The following GBGT1 variants were observed in gnomAD, a reference collection of about 807,000 sequenced individuals.
The protein encoded by GBGT1 is globoside alpha-1,3-N-acetylgalactosaminyltransferase 1 (FORS blood group), also known as globoside alpha-1,3-N-acetylgalactosaminyltransferase 1.
A neutral mutation model predicts 20.9 loss-of-function variants in GBGT1; 18 were observed. The observed-to-expected ratio is 0.86, with a 90% CI of 0.60 to 1.28. The LOEUF (loss-of-function observed/expected upper bound fraction) is 1.28. Ranked by LOEUF, GBGT1 falls within the 50% of genes most tolerant of loss-of-function variation. GBGT1 has a pLI of 0.00. For synonymous variants in GBGT1, 168 were observed against 180.8 expected (o/e 0.93, Z 0.57); for missense variants, 432 against 455.7 (o/e 0.95, Z 0.47).
intron 3 of GBGT1, among the ~76,000 whole-genome samples, chr9:133,157,215 T>C (rs34454320): frequency 0.19 from 28,175 of 146,722 alleles, 2,931 homozygotes; most frequent in Middle Eastern, 0.22. Flanking sequence ...GCCCAGGAGG[T>C]GGAGGCTGTA....
At chr9:133,155,778 C>T in intron 5 of GBGT1, 123 bp downstream of exon 5, 1 of 1,007,196 alleles carries the variant, frequency 9.9e-7, no homozygotes, top group Non-Finnish European at 1.5e-6. Context: ...TGTCTTTCCA[C>T]AGTCCCTAAC....
intron 3 of GBGT1, among the ~76,000 whole-genome samples, chr9:133,157,593 C>A (rs1832909451): frequency 6.6e-6 from 1 of 152,214 alleles, no homozygotes; most frequent in African/African-American, 2.4e-5. Flanking sequence ...GGTGAGGGAT[C>A]CTGGGCAAGT....
At chr9:133,158,492 C>T (rs958253178) in intron 3 of GBGT1, among the ~76,000 whole-genome samples, 3 of 152,084 alleles carry the variant, frequency 2.0e-5, no homozygotes, top group Non-Finnish European at 4.4e-5. Context: ...CCATGTTGCC[C>T]AGGCTGGTCT....
chr9:133,161,609 T>C (rs1434933094), intron 2 of GBGT1, 77 bp from the exon 3 acceptor site: 13 of 994,808 alleles, frequency 1.3e-5, no homozygotes, highest in Middle Eastern at 2.1e-4. Flanking sequence ...ATGCACGTCA[T>C]TGGGAGTGCA....
rs60845732 is a variant in GBGT1, at chr9:133,159,836, G to GA, written c.137+1630dup. ...ACACACAAGATAGACAAACTGGAAA[G>GA]AAAAAAAAAAGTTGTAGGTATACTT... On this transcript the variant is annotated intron_variant, in intron 3 of 6. Coordinates refer to ENST00000372040, the MANE Select transcript of GBGT1 (RefSeq NM_021996.6). Among the ~76,000 whole-genome samples the GA allele has an allele frequency of 2.7e-3, 405 of 147,488 alleles. 1 individual carries two copies. Among genetic ancestry groups the GA allele is most frequent in the African/African-American group, 9.5e-3 (382 of 40,272 alleles).
At position 133,153,387 on chromosome 9, in the gene GBGT1, G is replaced by A. The variant is rs1257753834; in HGVS notation, c.*190C>T. 5 of 408,884 alleles carry A rather than the reference G, an allele frequency of 1.2e-5. No individual in the cohort carries two copies. The highest frequency in any genetic ancestry group is 7.2e-5 in the East Asian group (2 of 27,948). 25.3% of individuals were successfully genotyped at this position (408,884 alleles called of 1,614,324 possible). A position where few individuals can be genotyped will look rare whatever the true frequency, so the allele number is the denominator to read the frequency against. ...CCCTGTCTCACTGTTCCCATGCCGC[G>A]TTACTGTGAGATCCTGTGTGCTACT... is the stretch of plus-strand genomic sequence containing the variant. On this transcript the variant is annotated 3_prime_UTR_variant, in exon 7 of 7. Coordinates refer to ENST00000372040, the MANE Select transcript of GBGT1 (RefSeq NM_021996.6).
At chr9:133,159,218 C>T (rs1346576309) in intron 3 of GBGT1, among the ~76,000 whole-genome samples, 1 of 152,222 alleles carries the variant, frequency 6.6e-6, no homozygotes, top group East Asian at 1.9e-4. Context: ...GCCTCGGCCT[C>T]CCAAAGTGCT....
At position 133,153,850 on chromosome 9, in the gene GBGT1, G is replaced by A. The variant is rs1490576570; in HGVS notation, c.771C>T (p.Asp257=). ...STAFVADSEG[D]FYYGGAVFGG... is the part of the protein sequence containing the mutation. ...CGAAGACTGCCCCACCATAATAGAA[G>A]TCCCCTTCGCTGTCTGCCACAAAGG... The change falls in exon 7 of 7, where the codon GAC becomes GAT. Residue 257 remains aspartate (D), a synonymous_variant. Coordinates refer to ENST00000372040, the MANE Select transcript of GBGT1 (RefSeq NM_021996.6). 1 of 1,597,626 alleles carries A rather than the reference G, an allele frequency of 6.3e-7. No homozygotes were observed. Among genetic ancestry groups the A allele is most frequent in the Admixed American group, 1.7e-5 (1 of 59,180 alleles).
In GBGT1 at chr9:133,154,684, G is replaced by A. The variant is rs555630583; in HGVS notation, c.360-423C>T. On this transcript the variant is annotated intron_variant, in intron 6 of 6. Coordinates refer to ENST00000372040, the MANE Select transcript of GBGT1 (RefSeq NM_021996.6). This position sits in a 1 kb window ranked among gnomAD's most constrained non-coding sequence, Gnocchi z 4.2. ...CTAGATGCTGGGGGCATGGAGGGGG[G>A]TGTGGTTGACACAGCCCTGCCCCCA... The A allele has an allele frequency of 7.9e-5, 14 of 177,618 alleles. No individual in the cohort carries two copies. Among genetic ancestry groups the A allele is most frequent in the Non-Finnish European group, 1.4e-4 (12 of 84,686 alleles). 11.0% of individuals were successfully genotyped at this position (177,618 alleles called of 1,614,324 possible).
At chr9:133,158,214 A>T (rs2119314809) in intron 3 of GBGT1, among the ~76,000 whole-genome samples, 1 of 152,340 alleles carries the variant, frequency 6.6e-6, no homozygotes, top group African/African-American at 2.4e-5. Context: ...CCCAGGCAGA[A>T]GCTCATAAGG....
rs781139468 is a variant in GBGT1, at chr9:133,153,691, C to T, written c.930G>A (p.Pro310=). 62 of 1,613,680 alleles carry T rather than the reference C, an allele frequency of 3.8e-5. No individual in the cohort carries two copies. In the East Asian group the frequency reaches 6.0e-4, roughly 16 times the overall value. The change falls in exon 7 of 7, where the codon CCG becomes CCA. Residue 310 remains proline, a synonymous_variant. Coordinates refer to ENST00000372040, the MANE Select transcript of GBGT1 (RefSeq NM_021996.6). ...GGTACTCGGGGGACAGCACCTTGGA[C>T]GGCTTGTTTGAGATGAAGTGACGGT... ...HLNRHFISNK[P]SKVLSPEYLW...
intron 3 of GBGT1, chr9:133,160,235 C>T (rs112963123): frequency 0.017 from 4,162 of 247,210 alleles, 49 homozygotes; most frequent in Non-Finnish European, 0.024. Context: ...GCTGAGATCA[C>T]GCCACGGTAC....
At position 133,154,515 on chromosome 9, in the gene GBGT1, A is replaced by C. The variant is rs1192845244; in HGVS notation, c.360-254T>G. ...GGTGAACTTTTACTGAGCAATTTCT[A>C]AGTGCCCAGCGACGTTCTAAGAATT... On this transcript the variant is annotated intron_variant, in intron 6 of 6. Coordinates refer to ENST00000372040, the MANE Select transcript of GBGT1 (RefSeq NM_021996.6). The surrounding 1 kb of genome is among the most constrained non-coding windows in gnomAD (Gnocchi z 4.2). The C allele has an allele frequency of 2.7e-6, 1 of 375,682 alleles. No individual in the cohort carries two copies. Among genetic ancestry groups the C allele is most frequent in the Non-Finnish European group, 4.8e-6 (1 of 209,864 alleles). 23.3% of individuals were successfully genotyped at this position (375,682 alleles called of 1,614,324 possible).
At position 133,156,059 on chromosome 9, in the gene GBGT1, C is replaced by T; in HGVS notation, c.144G>A (p.Met48Ile). ...YYLPCPEIFN[M>I]KLHYKREKPL... ...GCTTCTCCCTCTTGTAGTGCAGCTT[C>T]ATGTTGCTGGTGGCAGAGGCAAGAA... Residue 48 changes from methionine (M) to isoleucine (I), a missense_variant, in exon 4 of 7, where the codon ATG becomes ATA. Physicochemically the swap from Met to Ile is conservative, Grantham distance 10. Transcript: ENST00000372040. The T allele has an allele frequency of 6.2e-7, 1 of 1,614,056 alleles. No homozygotes were observed. The highest frequency in any genetic ancestry group is 8.5e-7 in the Non-Finnish European group (1 of 1,179,996).
At chr9:133,155,156 C>T (rs774639049) in intron 6 of GBGT1, 22 bp downstream of exon 6, 21 of 1,609,522 alleles carry the variant, frequency 1.3e-5, no homozygotes, top group Non-Finnish European at 1.6e-5. Context: ...ACCTCCCTCC[C>T]CTTCCCCAGC....
chr9:133,161,590 A>G (rs1234303888), intron 2 of GBGT1, 58 bp from the exon 3 acceptor site: 1 of 1,226,528 alleles, frequency 8.2e-7, no homozygotes, highest in East Asian at 2.5e-5. Context: ...GAGGCTGAAA[A>G]CGCACCTCAT....
At position 133,154,252 on chromosome 9, in the gene GBGT1, A is replaced by G. The variant is rs145926254; in HGVS notation, c.369T>C (p.His123=). The G allele has an allele frequency of 1.3e-4, 199 of 1,525,336 alleles. 2 individuals are homozygous for G. The East Asian group carries it at 4.4e-3, about 34-fold the overall frequency. The allele number at this position is 1,525,336 out of a possible 1,614,324, so 94.5% of individuals were successfully genotyped here. ...CTGACTCCAGGAAGGACTGGATGAA[A>G]TGAGTGTACCTAGTGATGATCACCC... ...VTVFAVGKYT[H]FIQSFLESAE... Residue 123 remains histidine, a synonymous_variant, in exon 7 of 7, where the codon CAT becomes CAC. Coordinates refer to ENST00000372040, the MANE Select transcript of GBGT1 (RefSeq NM_021996.6). This position sits in a 1 kb window ranked among gnomAD's most constrained non-coding sequence, Gnocchi z 4.2.
Position 133,154,029 on chromosome 9 carries a change from C to G in GBGT1, c.592G>C (p.Glu198Gln), listed in dbSNP as rs139506150. 781 of 1,613,714 alleles carry G rather than the reference C, an allele frequency of 4.8e-4. No homozygotes were observed. The highest frequency in any genetic ancestry group is 6.3e-4 in the Non-Finnish European group (749 of 1,180,010). The change falls in exon 7 of 7, where the codon GAG (glutamate) becomes CAG (glutamine). Residue 198 changes from glutamate (E) to glutamine (Q), a missense_variant. Glu to Gln is a conservative substitution (Grantham distance 29). Transcript: ENST00000372040. The surrounding 1 kb of genome is among the most constrained non-coding windows in gnomAD (Gnocchi z 4.2). ...TCAAGGCAGAAGAGGTAGTCCACCT[C>G]CCGGTGAGCCCTCTTAGCAATGTGC... ...SQHIAKRAHR[E>Q]VDYLFCLDVD...
At chr9:133,156,647 A>T (rs1164703135) in intron 3 of GBGT1, among the ~76,000 whole-genome samples, 1 of 140,548 alleles carries the variant, frequency 7.1e-6, no homozygotes, top group East Asian at 2.2e-4. Context: ...GTGACAGAGC[A>T]AGATTCCATC....
Sources: allele counts gnomAD v4.1 joint callset (sites outside exome capture counted in the v4.1 genomes callset), GRCh38; gene constraint gnomAD v4.1.1; non-coding constraint Gnocchi (gnomAD v3.1); transcripts MANE v1.5; gene names NCBI Gene and HGNC (gene_info 2026-07-23, HGNC 2026-07-21).